SURF2: variants seen among roughly 807,000 people sequenced by gnomAD.
SURF2 encodes the protein surfeit 2.
A neutral mutation model predicts 26.2 loss-of-function variants in SURF2; 32 were observed. That is an observed-to-expected ratio of 1.22 (90% CI 0.92 to 1.64). SURF2 has a LOEUF of 1.64. Among genes scored for constraint, SURF2 ranks in the 40% most tolerant of loss-of-function variants. SURF2 has a pLI of 0.00. For synonymous variants in SURF2, 173 were observed against 139.1 expected (o/e 1.24, Z -1.71); for missense variants, 415 against 341.6 (o/e 1.21, Z -1.69).
chr9:133,359,911 G>C (rs2130044821), intron 3 of SURF2, 39 bp from the exon 4 acceptor site: 8 of 1,569,226 alleles, frequency 5.1e-6, no homozygotes. Context: ...GACCGTGGGG[G>C]GTGTGGAGGT....
Position 133,359,961 on chromosome 9 carries a change from C to T in SURF2, c.349C>T (p.Gln117Ter). The change falls in exon 4 of 6, where the codon CAG (glutamine) becomes TAG (stop). Residue 117 changes from glutamine (Q) to a stop codon, truncating the protein, a stop_gained. Coordinates refer to ENST00000371964, the MANE Select transcript of SURF2 (RefSeq NM_017503.5). LOFTEE classifies it high-confidence loss of function. ...QRALCKYEEC[Q>*]KQGVEYVPAC... The stretch of plus-strand genomic sequence containing the variant: ...GGCTTATCTCCCAGATGAAGAATGT[C>T]AGAAGCAAGGGGTGGAGTACGTGCC... The T allele has an allele frequency of 6.2e-7, 1 of 1,610,028 alleles. No homozygotes were observed. Among genetic ancestry groups the T allele is most frequent in the South Asian group, 1.1e-5 (1 of 90,500 alleles).
Position 133,357,819 on chromosome 9 carries a change from G to C in SURF2, c.337+5G>C. On this transcript the variant is annotated splice_donor_5th_base_variant and intron_variant, in intron 3 of 5. Transcript: ENST00000371964. ...ACCAGCGAGCTCTGTGTAAATGTAA[G>C]TCCCAGTGGACCCCCATCAGTGCAT... 1.9e-6 allele frequency: 3 copies of C among 1,613,052 alleles called. No homozygotes were observed. The highest frequency in any genetic ancestry group is 2.5e-6 in the Non-Finnish European group (3 of 1,179,844).
chr9:133,356,784 G>C (rs997754082), intron 1 of SURF2, 114 bp downstream of exon 1: 16 of 1,377,670 alleles, frequency 1.2e-5, no homozygotes, highest in Admixed American at 7.5e-5. Flanking sequence ...GGGAGAGCAG[G>C]AGAGAGGGGA....
At chr9:133,357,332 G>T in intron 2 of SURF2, 1 of 526,970 alleles carries the variant, frequency 1.9e-6, no homozygotes, top group Non-Finnish European at 3.3e-6. Flanking sequence ...TGTGAACAGC[G>T]TTGGGTTCTT....
At chr9:133,358,040 G>A (rs1012444454) in intron 3 of SURF2, among the ~76,000 whole-genome samples, 2 of 152,186 alleles carry the variant, frequency 1.3e-5, no homozygotes, top group African/African-American at 4.8e-5. Context: ...GAGTGTGCGT[G>A]GCAATGCGAG....
At chr9:133,356,852 AG>A in intron 1 of SURF2, 61 bp from the exon 2 acceptor site, 4 of 1,476,786 alleles carry the variant, frequency 2.7e-6, no homozygotes, top group South Asian at 1.3e-5. Flanking sequence ...GCGCGGCAGG[AG>A]GGGGCACCAG....
intron 4 of SURF2, 36 bp from the exon 5 acceptor site, chr9:133,360,229 A>G (rs2130048985): frequency 6.2e-7 from 1 of 1,607,068 alleles, no homozygotes; most frequent in South Asian, 1.1e-5. Context: ...AACTCAGCCT[A>G]AAATAACTGT....
chr9:133,360,156 C>T, intron 4 of SURF2, 27 bp downstream of exon 4: 1 of 1,591,886 alleles, frequency 6.3e-7, no homozygotes, highest in Non-Finnish European at 8.6e-7. Context: ...CTGCTTCTCC[C>T]TGACCCTCTA....
At chr9:133,357,876 G>T (rs1453049785) in intron 3 of SURF2, 62 bp downstream of exon 3, 2 of 1,526,732 alleles carry the variant, frequency 1.3e-6, no homozygotes, top group East Asian at 2.3e-5. Context: ...CCTTGCCCCA[G>T]ATGGAGCGTG....
At chr9:133,357,501 CGT>C (rs1401510055) in intron 2 of SURF2, among the ~76,000 whole-genome samples, 1 of 152,128 alleles carries the variant, frequency 6.6e-6, no homozygotes, top group Non-Finnish European at 1.5e-5. Context: ...GGCTGCCATG[CGT>C]GCTTTTCCGG....
At chr9:133,357,930 G>A (rs1836653734) in intron 3 of SURF2, 116 bp downstream of exon 3, 4 of 995,444 alleles carry the variant, frequency 4.0e-6, no homozygotes, top group Non-Finnish European at 6.0e-6. Context: ...TGATGCATCA[G>A]GCCTGTTTTT....
intron 5 of SURF2, 103 bp downstream of exon 5, chr9:133,360,537 C>G (rs2130052836): frequency 1.5e-6 from 2 of 1,349,858 alleles, no homozygotes; most frequent in Non-Finnish European, 2.0e-6. Context: ...AAGTGAAATC[C>G]CAAGCCAACA....
Position 133,357,804 on chromosome 9 carries a change from TCTGTGTAAATGTAAGTCCCA to T in SURF2, c.328_337+10del, listed in dbSNP as rs1386258670. 2.5e-6 allele frequency: 4 copies of T among 1,613,308 alleles called. No individual in the cohort carries two copies. In the African/African-American group the frequency reaches 5.3e-5, roughly 22 times the overall value. ...CCCAGGGCCGGCGGTACCAGCGAGC[TCTGTGTAAATGTAAGTCCCA>T]GTGGACCCCCATCAGTGCATCGCCA... is the stretch of plus-strand genomic sequence containing the variant. On this transcript the variant is annotated splice_donor_variant and splice_donor_5th_base_variant and coding_sequence_variant and intron_variant, in exon 3 of 6. Coordinates refer to ENST00000371964, the MANE Select transcript of SURF2 (RefSeq NM_017503.5). LOFTEE classifies it high-confidence loss of function.
At chr9:133,357,916 G>A (rs1836653169) in intron 3 of SURF2, 102 bp downstream of exon 3, 2 of 1,110,584 alleles carry the variant, frequency 1.8e-6, no homozygotes, top group African/African-American at 1.5e-5. Flanking sequence ...TCAGCGATCC[G>A]TGTTGATGCA....
Position 133,361,089 on chromosome 9 carries a change from A to G in SURF2, c.721A>G (p.Ser241Gly). ...GGGCTCGTTGAAAAAGAAGTTCAAG[A>G]GTCATCACCGCAAACCCAAGAGCTT... ...QLGSLKKKFKSHHRKPKSFSS... is the reference protein window; with the variant it reads ...QLGSLKKKFKGHHRKPKSFSS... The change falls in exon 6 of 6, where the codon AGT becomes GGT. Residue 241 changes from serine to glycine, a missense_variant. Transcript: ENST00000371964. The G allele has an allele frequency of 6.2e-7, 1 of 1,614,198 alleles. No homozygotes were observed. The highest frequency in any genetic ancestry group is 8.5e-7 in the Non-Finnish European group (1 of 1,180,022).
rs1836739346 is a variant in SURF2 at position 133,360,499 on chromosome 9, TA to T, written c.687+72del. The T allele has an allele frequency of 3.4e-6, 5 of 1,457,040 alleles. No homozygotes were observed. The Admixed American group carries it at 1.1e-4, about 32-fold the overall frequency. The allele number at this position is 1,457,040 out of a possible 1,614,324, so 90.3% of individuals were successfully genotyped here. A position where few individuals can be genotyped will look rare whatever the true frequency, so the allele number is the denominator to read the frequency against. On this transcript the variant is annotated intron_variant, in intron 5 of 5. Coordinates refer to ENST00000371964, the MANE Select transcript of SURF2 (RefSeq NM_017503.5). ...CCCTAGTGATGGTTTTCCATTTGTTTAAAAAAAGAAAACTGAACCTTTTTCA... is the reference window on the plus strand; with the variant it reads ...CCCTAGTGATGGTTTTCCATTTGTTTAAAAAAGAAAACTGAACCTTTTTCA...
At position 133,360,476 on chromosome 9, in the gene SURF2, C is replaced by T. The variant is rs2130052540; in HGVS notation, c.687+42C>T. On this transcript the variant is annotated intron_variant, in intron 5 of 5. Transcript: ENST00000371964. ...TCTGTTAGTGTGGCAGTGGCTTCCC[C>T]TAGTGATGGTTTTCCATTTGTTTAA... is the stretch of plus-strand genomic sequence containing the variant. 1.4e-5 allele frequency: 22 copies of T among 1,523,620 alleles called. No individual in the cohort carries two copies. The African/African-American group carries it at 2.7e-4, about 18-fold the overall frequency. The allele number at this position is 1,523,620 out of a possible 1,614,324, so 94.4% of individuals were successfully genotyped here.
At chr9:133,358,564 G>A (rs1344739304) in intron 3 of SURF2, among the ~76,000 whole-genome samples, 3 of 152,178 alleles carry the variant, frequency 2.0e-5, no homozygotes. Flanking sequence ...CACCCGGCGA[G>A]AGTTTAGAGA....
At position 133,359,608 on chromosome 9, in the gene SURF2, T is replaced by C. The variant is rs2130043051; in HGVS notation, c.338-342T>C. The stretch of plus-strand genomic sequence containing the variant: ...GGGTGGCATCACTGCCAGCCCGAGT[T>C]GCCTTTGAGAGGCCATGCCAAGCTC... On this transcript the variant is annotated intron_variant, in intron 3 of 5. Transcript: ENST00000371964. 3.3e-5 allele frequency among the ~76,000 whole-genome samples: 5 copies of C among 152,358 alleles called. No individual in the cohort carries two copies. The East Asian group carries it at 5.8e-4, about 18-fold the overall frequency.
Sources: gnomAD v4.1 joint callset for allele counts (sites outside exome capture counted in the v4.1 genomes callset) on GRCh38, gnomAD v4.1.1 for gene constraint, MANE v1.5 for transcripts, NCBI Gene and HGNC (gene_info 2026-07-23, HGNC 2026-07-21) for gene names.